The following DSCAM variants were observed in gnomAD, a reference collection of about 807,000 sequenced individuals.
DSCAM encodes cell adhesion molecule DSCAM.
Under a neutral mutation model 217.7 loss-of-function variants are expected in DSCAM, and 47 were observed. The observed-to-expected ratio is 0.22, with a 90% CI of 0.17 to 0.28. The LOEUF (loss-of-function observed/expected upper bound fraction) is 0.28, where lower values mean the gene tolerates loss of function less well. Among genes scored for constraint, DSCAM ranks in the 10% least tolerant of loss-of-function variants. The pLI is 1.00. For missense variants in DSCAM, 2,080 were observed against 2,618.3 expected (o/e 0.79, Z 4.49); for synonymous variants, 1,056 against 1,015.3 (o/e 1.04, Z -0.76).
chr21:40,785,633 A>G (rs1200633716), intron 1 of DSCAM, among the ~76,000 whole-genome samples: 1 of 152,248 alleles, frequency 6.6e-6, no homozygotes, highest in African/African-American at 2.4e-5. Flanking sequence ...GGGATGTGGC[A>G]TGTAATGGGA....
chr21:40,090,425 C>A (rs2089592756), intron 21 of DSCAM, among the ~76,000 whole-genome samples: 1 of 152,110 alleles, frequency 6.6e-6, no homozygotes, highest in Non-Finnish European at 1.5e-5. Context: ...CTGACTCAGG[C>A]TCATTTCTGC....
At chr21:40,489,540 C>A (rs1374687418) in intron 3 of DSCAM, among the ~76,000 whole-genome samples, 1 of 151,828 alleles carries the variant, frequency 6.6e-6, no homozygotes, top group African/African-American at 2.4e-5. Context: ...TTTGGGAGGC[C>A]GAGGCGGGCG....
At chr21:40,724,500 G>GA (rs951631982) in intron 1 of DSCAM, among the ~76,000 whole-genome samples, 1 of 151,960 alleles carries the variant, frequency 6.6e-6, no homozygotes, top group Admixed American at 6.6e-5. Context: ...GAGAGAGAGG[G>GA]AAAAAATTAC....
rs530882613 is a variant in DSCAM, at chr21:40,072,628, G to T, written c.4888+2409C>A. 5.3e-5 allele frequency among the ~76,000 whole-genome samples: 8 copies of T among 152,210 alleles called. No individual in the cohort carries two copies. The East Asian group carries it at 1.5e-3, about 29-fold the overall frequency. ...CTCCCAAAGTGCTAGGATTACAGGT[G>T]TGAGCCACCGCACCCGGCCTCTCCT... On this transcript the variant is annotated intron_variant, in intron 27 of 32. Transcript: ENST00000400454.
chr21:40,670,267 C>G (rs1385280102), intron 3 of DSCAM, among the ~76,000 whole-genome samples: 1 of 152,182 alleles, frequency 6.6e-6, no homozygotes, highest in Non-Finnish European at 1.5e-5. Context: ...TTCTCAATTT[C>G]TCTTTCCTTC....
chr21:40,448,201 A>C (rs1669321044), intron 3 of DSCAM, among the ~76,000 whole-genome samples: 1 of 152,166 alleles, frequency 6.6e-6, no homozygotes, highest in Non-Finnish European at 1.5e-5. Flanking sequence ...TGTTTTTGGA[A>C]GAAATCAGCA....
At chr21:40,796,700 A>C (rs1022840220) in intron 1 of DSCAM, among the ~76,000 whole-genome samples, 7 of 152,194 alleles carry the variant, frequency 4.6e-5, no homozygotes, top group Non-Finnish European at 1.0e-4. Flanking sequence ...GAAATGCAGA[A>C]TCTCAGCTCC....
chr21:40,839,338 C>T (rs189711871), intron 1 of DSCAM, among the ~76,000 whole-genome samples: 1 of 152,132 alleles, frequency 6.6e-6, no homozygotes, highest in Non-Finnish European at 1.5e-5. Context: ...TCAGTAATTG[C>T]TTTATTACTG....
At chr21:40,039,811 T>C (rs1047887924) in intron 32 of DSCAM, among the ~76,000 whole-genome samples, 1 of 151,650 alleles carries the variant, frequency 6.6e-6, no homozygotes, top group Non-Finnish European at 1.5e-5. Context: ...CTATTTGTAC[T>C]GAAGACAGAA....
chr21:40,629,729 T>A (rs1391370978), intron 3 of DSCAM: 1 of 152,166 alleles, frequency 6.6e-6, no homozygotes, highest in African/African-American at 2.4e-5. Context: ...TACCACAACA[T>A]AGCCTATTCT....
chr21:40,540,456 C>T (rs1265487917), intron 3 of DSCAM, among the ~76,000 whole-genome samples: 1 of 152,196 alleles, frequency 6.6e-6, no homozygotes, highest in Admixed American at 6.5e-5. Flanking sequence ...CCTCCTCACA[C>T]TGCGCTGTGA....
intron 21 of DSCAM, among the ~76,000 whole-genome samples, chr21:40,090,279 C>CA (rs147886734): frequency 0.012 from 1,817 of 152,300 alleles, 17 homozygotes; most frequent in Middle Eastern, 0.037. Flanking sequence ...ATAATGAACC[C>CA]AGAGCCTTTC....
intron 3 of DSCAM, among the ~76,000 whole-genome samples, chr21:40,558,516 C>T (rs1000522379): frequency 6.6e-6 from 1 of 151,750 alleles, no homozygotes; most frequent in Non-Finnish European, 1.5e-5. Flanking sequence ...TCTAGTAAGT[C>T]CATCTATAGA....
At chr21:40,790,180 C>CTTTTTT (rs771986567) in intron 1 of DSCAM, among the ~76,000 whole-genome samples, 3 of 125,384 alleles carry the variant, frequency 2.4e-5, no homozygotes, top group African/African-American at 5.9e-5. Flanking sequence ...TTCTTTCTTT[C>CTTTTTT]TTTTTTTTTT....
rs755627111 is a variant in DSCAM at position 40,369,211 on chromosome 21, C to T, written c.543G>A (p.Leu181=). Residue 181 remains leucine (L), a synonymous_variant, in exon 4 of 33, where the codon TTG becomes TTA. Coordinates refer to ENST00000400454, the MANE Select transcript of DSCAM (RefSeq NM_001389.5). ...CTTCATTCTGTACATCTTTAATATA[C>T]AAGGCTCCCGTGGATGTGATGAGAA... is the stretch of plus-strand genomic sequence containing the variant. ...SRFLITSTGA[L]YIKDVQNEDG... is the part of the protein sequence containing the mutation. The T allele has an allele frequency of 3.7e-6, 6 of 1,611,172 alleles. No individual in the cohort carries two copies. Among genetic ancestry groups the T allele is most frequent in the Non-Finnish European group, 5.1e-6 (6 of 1,178,772 alleles).
At chr21:40,246,349 C>T (rs573509576) in intron 11 of DSCAM, among the ~76,000 whole-genome samples, 88 of 99,884 alleles carry the variant, frequency 8.8e-4, no homozygotes, top group African/African-American at 4.2e-3. Flanking sequence ...AAACCCAGTC[C>T]GTACTAAAAA....
chr21:40,080,463 G>C (rs902612439), intron 24 of DSCAM, 123 bp from the exon 25 acceptor site: 1 of 850,800 alleles, frequency 1.2e-6, no homozygotes, highest in African/African-American at 1.7e-5. Flanking sequence ...TCTTCAGAAG[G>C]AACATTTTCG....
chr21:40,498,993 C>A (rs368628761), intron 3 of DSCAM, among the ~76,000 whole-genome samples: 12 of 151,418 alleles, frequency 7.9e-5, no homozygotes, highest in Non-Finnish European at 1.5e-4. Context: ...TAATACGCAG[C>A]TCATTCTTTA....
At chr21:40,175,319 G>C (rs77832008) in intron 15 of DSCAM, among the ~76,000 whole-genome samples, 1 of 151,928 alleles carries the variant, frequency 6.6e-6, no homozygotes, top group Non-Finnish European at 1.5e-5. Context: ...TAGCCATGTC[G>C]GCCAGGCTGG....
Sources: allele counts gnomAD v4.1 joint callset (sites outside exome capture counted in the v4.1 genomes callset), GRCh38; gene constraint gnomAD v4.1.1; transcripts MANE v1.5; gene names NCBI Gene and HGNC (gene_info 2026-07-23, HGNC 2026-07-21).